Variants in HEATR5B observed in about 807,000 individuals in gnomAD.
The protein encoded by HEATR5B is HEAT repeat containing 5B.
HEATR5B carries 156 observed loss-of-function variants against 224.1 expected under a neutral mutation model. The observed-to-expected ratio is 0.70, with a 90% CI of 0.61 to 0.80. The LOEUF is 0.80. HEATR5B is among the 30% of genes least tolerant of loss of function. HEATR5B has a pLI of 0.00. For missense variants in HEATR5B, 2,323 were observed against 2,535.5 expected (o/e 0.92, Z 1.80); for synonymous variants, 1,027 against 893.0 (o/e 1.15, Z -2.68).
In HEATR5B at chr2:37,027,904, G is replaced by C; in HGVS notation, c.3853+19C>G. The C allele has an allele frequency of 2.5e-6, 4 of 1,608,024 alleles. No individual in the cohort carries two copies. Among genetic ancestry groups the C allele is most frequent in the Non-Finnish European group, 2.6e-6 (3 of 1,175,936 alleles). ...GGTGTAAAAATGCTTTGGGGAAAAAGTACTGATTTTAAATTTACTTGTAGG... is the reference window on the plus strand; with the variant it reads ...GGTGTAAAAATGCTTTGGGGAAAAACTACTGATTTTAAATTTACTTGTAGG... On this transcript the variant is annotated intron_variant, in intron 24 of 35. Transcript: ENST00000233099.
intron 26 of HEATR5B, among the ~76,000 whole-genome samples, chr2:37,016,432 T>C (rs1383845264): frequency 6.6e-6 from 1 of 152,018 alleles, no homozygotes; most frequent in African/African-American, 2.4e-5. Flanking sequence ...CTTTCTCATC[T>C]GAAATCCTTG....
intron 33 of HEATR5B, among the ~76,000 whole-genome samples, chr2:36,997,812 C>T (rs938784977): frequency 6.6e-6 from 1 of 151,652 alleles, no homozygotes; most frequent in Non-Finnish European, 1.5e-5. Context: ...ATGATCCACC[C>T]GCCTTGGCCT....
chr2:37,066,871 A>C (rs2148576800), intron 8 of HEATR5B, among the ~76,000 whole-genome samples: 1 of 151,842 alleles, frequency 6.6e-6, no homozygotes, highest in East Asian at 1.9e-4. Flanking sequence ...GAAGACTATA[A>C]TTAAATTTTT....
At chr2:37,059,159 G>A (rs189840727) in intron 12 of HEATR5B, among the ~76,000 whole-genome samples, 172 bp from the exon 13 acceptor site, 58 of 151,738 alleles carry the variant, frequency 3.8e-4, no homozygotes, top group African/African-American at 1.3e-3. Flanking sequence ...AAGAAAAATC[G>A]TGGAAAAGGC....
At chr2:37,024,619 G>A (rs189764863) in intron 24 of HEATR5B, among the ~76,000 whole-genome samples, 51 of 152,210 alleles carry the variant, frequency 3.4e-4, no homozygotes, top group Admixed American at 1.9e-3. Context: ...ACAAGAATGA[G>A]GTATAATAAA....
chr2:37,060,803 T>C, intron 11 of HEATR5B, 70 bp from the exon 12 acceptor site: 1 of 1,299,708 alleles, frequency 7.7e-7, no homozygotes, highest in East Asian at 2.5e-5. Context: ...TCAAGCAAAA[T>C]GAGCCCAACA....
chr2:37,066,009 T>C (rs901160113), intron 8 of HEATR5B, 99 bp from the exon 9 acceptor site: 6 of 1,003,906 alleles, frequency 6.0e-6, no homozygotes, highest in East Asian at 2.6e-5. Flanking sequence ...CCAGTTGATG[T>C]CCGAGTGTTA....
chr2:37,074,303 C>G (rs1200213348), intron 5 of HEATR5B, among the ~76,000 whole-genome samples: 4 of 115,656 alleles, frequency 3.5e-5, no homozygotes, highest in Non-Finnish European at 6.7e-5. Flanking sequence ...AGCCTGGGGA[C>G]AGAGCAAGAC....
intron 2 of HEATR5B, among the ~76,000 whole-genome samples, chr2:37,079,759 T>C (rs550681958): frequency 2.7e-4 from 41 of 152,134 alleles, no homozygotes; most frequent in Non-Finnish European, 6.0e-4. Context: ...TGAAGAGCCC[T>C]AGACAACAGG....
rs771003301 is a variant in HEATR5B at position 37,015,969 on chromosome 2, A to G, written c.4105-1949T>C. On this transcript the variant is annotated intron_variant, in intron 26 of 35. Transcript: ENST00000233099. The stretch of plus-strand genomic sequence containing the variant: ...AGGGACAAGTAGAATAAGAATAAAG[A>G]AAGAAATTGAAAAGAAAATACCAGA... Among the ~76,000 whole-genome samples the G allele has an allele frequency of 5.3e-4, 80 of 152,200 alleles. 1 individual carries two copies. The highest frequency in any genetic ancestry group is 2.0e-4 in the Admixed American group (3 of 15,284).
intron 26 of HEATR5B, 73 bp from the exon 27 acceptor site, chr2:37,014,093 T>A (rs1029677845): frequency 9.6e-6 from 8 of 829,138 alleles, no homozygotes; most frequent in Non-Finnish European, 1.5e-5. Context: ...ATAAATGACT[T>A]TTTTCCTAGA....
At chr2:36,984,183 A>G (rs1194729031) in intron 35 of HEATR5B, among the ~76,000 whole-genome samples, 1 of 118,078 alleles carries the variant, frequency 8.5e-6, no homozygotes, top group African/African-American at 3.6e-5. Flanking sequence ...CTGGGCAACA[A>G]GAGTGAAACT....
Position 37,056,452 on chromosome 2 carries a change from G to A in HEATR5B, c.2387C>T (p.Ser796Phe). 1 of 1,597,126 alleles carries A rather than the reference G, an allele frequency of 6.3e-7. No homozygotes were observed. Among genetic ancestry groups the A allele is most frequent in the Non-Finnish European group, 8.5e-7 (1 of 1,174,418 alleles). Reference sequence around the variant, plus strand: ...ACTTTATACTAACCGGTGTTTATAAGAAACATGAGGAAACACTACACCAAA... The same window carrying A: ...ACTTTATACTAACCGGTGTTTATAAAAAACATGAGGAAACACTACACCAAA... Reference protein sequence around the residue: ...ALFGVVFPHVSYKHRLQMLDH... With the variant: ...ALFGVVFPHVFYKHRLQMLDH... Residue 796 changes from serine (S) to phenylalanine (F), a missense_variant, in exon 16 of 36, where the codon TCT becomes TTT. Physicochemically the swap from Ser to Phe is radical, Grantham distance 155. Coordinates refer to ENST00000233099, the MANE Select transcript of HEATR5B (RefSeq NM_019024.3).
chr2:37,078,438 T>A (rs1253613436), intron 3 of HEATR5B, among the ~76,000 whole-genome samples: 1 of 152,220 alleles, frequency 6.6e-6, no homozygotes, highest in East Asian at 1.9e-4. Flanking sequence ...TCAATTCTAC[T>A]TAACCAGAAC....
chr2:37,035,627 C>A (rs903319004), intron 21 of HEATR5B, among the ~76,000 whole-genome samples: 1 of 152,102 alleles, frequency 6.6e-6, no homozygotes, highest in African/African-American at 2.4e-5. Flanking sequence ...AACAACACAA[C>A]CTCTATTCCT....
At chr2:37,053,167 A>G (rs1002011706) in intron 17 of HEATR5B, among the ~76,000 whole-genome samples, 1 of 152,222 alleles carries the variant, frequency 6.6e-6, no homozygotes, top group African/African-American at 2.4e-5. Flanking sequence ...TGTGGCCTAA[A>G]CCACAGATCA....
intron 4 of HEATR5B, chr2:37,076,082 G>A (rs1672211018): frequency 1.3e-5 from 2 of 153,392 alleles, no homozygotes; most frequent in South Asian, 4.1e-4. Flanking sequence ...ATCTTCTTGT[G>A]ACTAACTCAA....
At chr2:37,007,922 A>G (rs532958745) in intron 28 of HEATR5B, among the ~76,000 whole-genome samples, 2 of 152,218 alleles carry the variant, frequency 1.3e-5, no homozygotes, top group African/African-American at 4.8e-5. Flanking sequence ...AAACCCTATC[A>G]TCTTCTCTTT....
In HEATR5B at chr2:37,028,116, A is replaced by G. The variant is rs983845024; in HGVS notation, c.3660T>C (p.Asp1220=). The G allele has an allele frequency of 9.3e-6, 15 of 1,609,024 alleles. No homozygotes were observed. The highest frequency in any genetic ancestry group is 1.3e-5 in the Non-Finnish European group (15 of 1,175,414). Residue 1220 remains aspartate, a synonymous_variant, in exon 24 of 36, where the codon GAT becomes GAC. Transcript: ENST00000233099. ...SGKDEEAEKK[D]EMDDDTMFTT... The stretch of plus-strand genomic sequence containing the variant: ...TAAACATGGTATCATCATCCATCTC[A>G]TCTTTCTTTTCAGCTTCTTCATCTT...
Sources: gnomAD v4.1 joint callset for allele counts (sites outside exome capture counted in the v4.1 genomes callset) on GRCh38, gnomAD v4.1.1 for gene constraint, MANE v1.5 for transcripts, NCBI Gene and HGNC (gene_info 2026-07-23, HGNC 2026-07-21) for gene names.